The following BIRC6 variants were observed in gnomAD, a reference collection of about 807,000 sequenced individuals.
The protein encoded by BIRC6 is dual E2 ubiquitin-conjugating enzyme/E3 ubiquitin-protein ligase BIRC6.
A neutral mutation model predicts 503.3 loss-of-function variants in BIRC6; 98 were observed. That is an observed-to-expected ratio of 0.19 (90% CI 0.17 to 0.23). The LOEUF is 0.23. BIRC6 is among the 10% of genes least tolerant of loss of function. The pLI is 1.00. For synonymous variants in BIRC6, 2,240 were observed against 2,078.7 expected (o/e 1.08, Z -2.11); for missense variants, 5,360 against 5,806.0 (o/e 0.92, Z 2.50).
intron 22 of BIRC6, among the ~76,000 whole-genome samples, chr2:32,450,705 A>G (rs1304576588): frequency 2.6e-5 from 4 of 152,182 alleles, no homozygotes; most frequent in Non-Finnish European, 5.9e-5. Context: ...AATTGGTTCC[A>G]GGACTCCTCG....
intron 12 of BIRC6, among the ~76,000 whole-genome samples, chr2:32,432,778 C>CT (rs2044280658): frequency 6.8e-6 from 1 of 146,362 alleles, no homozygotes; most frequent in African/African-American, 2.5e-5. Flanking sequence ...AAAAAAAAAA[C>CT]TTTCATGCTA....
chr2:32,374,304 C>T (rs2036406023), intron 1 of BIRC6, among the ~76,000 whole-genome samples: 2 of 151,940 alleles, frequency 1.3e-5, no homozygotes, highest in South Asian at 2.1e-4. Flanking sequence ...GCCAGTACCA[C>T]ACTTTCTTGT....
intron 10 of BIRC6, among the ~76,000 whole-genome samples, chr2:32,417,916 A>G (rs2042554426): frequency 6.6e-6 from 1 of 152,166 alleles, no homozygotes; most frequent in East Asian, 1.9e-4. Flanking sequence ...AGTAGCTGGG[A>G]CCACAGGTGC....
intron 1 of BIRC6, among the ~76,000 whole-genome samples, chr2:32,365,189 G>A (rs2034711696): frequency 6.6e-6 from 1 of 152,118 alleles, no homozygotes; most frequent in African/African-American, 2.4e-5. Context: ...TAAGTTCCAG[G>A]TGTGACCTTA....
chr2:32,395,299 T>C (rs2039747193), intron 5 of BIRC6, among the ~76,000 whole-genome samples: 1 of 152,224 alleles, frequency 6.6e-6, no homozygotes, highest in Non-Finnish European at 1.5e-5. Flanking sequence ...CTCTTTGATT[T>C]AGTGGTCATT....
intron 23 of BIRC6, among the ~76,000 whole-genome samples, chr2:32,459,706 T>C (rs11124281): frequency 1 from 151,804 of 152,114 alleles, 75,748 homozygotes; most frequent in Middle Eastern, 1. Context: ...TACACACTGG[T>C]GGTATATATT....
At chr2:32,493,696 G>T in intron 45 of BIRC6, 29 bp downstream of exon 45, 2 of 1,510,520 alleles carry the variant, frequency 1.3e-6, no homozygotes, top group South Asian at 2.4e-5. Context: ...ATTTGTTCCT[G>T]ATATAGAAGT....
In BIRC6 at chr2:32,468,489, C is replaced by T; in HGVS notation, c.5833C>T (p.Pro1945Ser). The change falls in exon 29 of 74, where the codon CCT becomes TCT. Residue 1945 changes from proline to serine, a missense_variant. Around this residue, in one of 16 missense-constraint regions of BIRC6, gnomAD observed 2,299 missense variants for 2,267.2 expected, o/e 1.01. Transcript: ENST00000421745. ...LETLLQSIDL[P>S]PLNSANNAQY... ...AACCCTTTTGCAAAGTATTGATCTTCCTCCTCTAAACAGTGCTAACAATGC... is the reference window on the plus strand; with the variant it reads ...AACCCTTTTGCAAAGTATTGATCTTTCTCCTCTAAACAGTGCTAACAATGC... 1 of 1,609,098 alleles carries T rather than the reference C, an allele frequency of 6.2e-7. No homozygotes were observed. The highest frequency in any genetic ancestry group is 8.5e-7 in the Non-Finnish European group (1 of 1,177,008).
At chr2:32,571,143 A>C (rs1249000924) in intron 65 of BIRC6, among the ~76,000 whole-genome samples, 2 of 151,488 alleles carry the variant, frequency 1.3e-5, no homozygotes, top group Non-Finnish European at 2.9e-5. Flanking sequence ...GTTGGATTTG[A>C]TTTACTTGTT....
chr2:32,465,720 T>C (rs971679883), intron 26 of BIRC6, among the ~76,000 whole-genome samples: 3 of 152,246 alleles, frequency 2.0e-5, no homozygotes, highest in Admixed American at 2.0e-4. Flanking sequence ...TGGTTTTAAC[T>C]ACCACCAACA....
chr2:32,429,316 ATGATTTT>A (rs1203090113), intron 11 of BIRC6, 21 bp downstream of exon 11: 1 of 1,452,440 alleles, frequency 6.9e-7, no homozygotes. Flanking sequence ...AAATTTTTAA[ATGATTTT>A]AAAAAAAGAA....
At chr2:32,531,641 C>A in intron 61 of BIRC6, 90 bp downstream of exon 61, 2 of 1,151,012 alleles carry the variant, frequency 1.7e-6, no homozygotes, top group Non-Finnish European at 2.4e-6. Flanking sequence ...CTTGGATTAA[C>A]TTTGTAGAAA....
Position 32,374,519 on chromosome 2 carries a change from C to T in BIRC6, c.326-3069C>T, listed in dbSNP as rs554228013. ...ACGGAGTCTCACTCTGTCGCCCAGG[C>T]TGGAGTGCAGTGGCGTGATCTTGGC... On this transcript the variant is annotated intron_variant, in intron 1 of 73. Coordinates refer to ENST00000421745, the MANE Select transcript of BIRC6 (RefSeq NM_016252.4). 4.6e-5 allele frequency among the ~76,000 whole-genome samples: 7 copies of T among 150,666 alleles called. No homozygotes were observed. In the South Asian group the frequency reaches 8.4e-4, roughly 18 times the overall value.
At chr2:32,474,571 G>T (rs1421216468) in intron 33 of BIRC6, among the ~76,000 whole-genome samples, 1 of 152,190 alleles carries the variant, frequency 6.6e-6, no homozygotes, top group Admixed American at 6.5e-5. Context: ...TTGTAACTGT[G>T]ATTTGTAGAA....
At chr2:32,532,068 A>T in intron 61 of BIRC6, 6 of 523,818 alleles carry the variant, frequency 1.1e-5, no homozygotes, top group South Asian at 5.7e-5. Context: ...GTGCATGGAG[A>T]GTTGTAAAAA....
intron 71 of BIRC6, among the ~76,000 whole-genome samples, 183 bp from the exon 72 acceptor site, chr2:32,607,272 G>A (rs538334615): frequency 3.6e-4 from 54 of 151,734 alleles, no homozygotes; most frequent in South Asian, 1.7e-3. Flanking sequence ...GCTCTATTGT[G>A]CCTAATTTTA....
At chr2:32,453,764 A>C in intron 22 of BIRC6, 44 bp from the exon 23 acceptor site, 2 of 1,590,606 alleles carry the variant, frequency 1.3e-6, no homozygotes, top group South Asian at 2.2e-5. Context: ...ATTGCTTTTT[A>C]AAAATTATCT....
At chr2:32,391,825 G>T (rs992416748) in intron 4 of BIRC6, among the ~76,000 whole-genome samples, 1 of 152,208 alleles carries the variant, frequency 6.6e-6, no homozygotes, top group African/African-American at 2.4e-5. Context: ...TTTATCAACT[G>T]CAGCCACCAA....
chr2:32,368,545 C>T (rs2035299918), intron 1 of BIRC6, among the ~76,000 whole-genome samples: 2 of 151,766 alleles, frequency 1.3e-5, no homozygotes, highest in East Asian at 1.9e-4. Flanking sequence ...GTCCCCCACA[C>T]CAAATAAATA....
Sources: allele counts gnomAD v4.1 joint callset (sites outside exome capture counted in the v4.1 genomes callset), GRCh38; gene constraint gnomAD v4.1.1; regional missense constraint gnomAD v4.1.1; transcripts MANE v1.5; gene names NCBI Gene and HGNC (gene_info 2026-07-23, HGNC 2026-07-21).